FNBP1: variants seen among roughly 807,000 people sequenced by gnomAD.
FNBP1 encodes formin-binding protein 1.
A neutral mutation model predicts 90.6 loss-of-function variants in FNBP1; 26 were observed. That is an observed-to-expected ratio of 0.29 (90% CI 0.21 to 0.40). FNBP1 has a LOEUF of 0.40. Among genes scored for constraint, FNBP1 ranks in the 10% least tolerant of loss-of-function variants. The pLI is 1.00. For synonymous variants in FNBP1, 260 were observed against 265.2 expected (o/e 0.98, Z 0.19); for missense variants, 635 against 768.0 (o/e 0.83, Z 2.05).
intron 11 of FNBP1, among the ~76,000 whole-genome samples, chr9:129,909,259 G>A (rs2038768351): frequency 6.6e-6 from 1 of 152,206 alleles, no homozygotes; most frequent in Non-Finnish European, 1.5e-5. Context: ...TACAGTAAAG[G>A]AGAGTAAGAG....
chr9:129,956,124 C>G (rs1173608143), intron 6 of FNBP1, among the ~76,000 whole-genome samples: 4 of 152,114 alleles, frequency 2.6e-5, no homozygotes, highest in Non-Finnish European at 5.9e-5. Flanking sequence ...GCTTCAGTCT[C>G]CTAAGTAGCT....
At position 129,889,262 on chromosome 9, in the gene FNBP1, TC is replaced by T. The variant is rs2034920857; in HGVS notation, c.*1276del. ...TCAAAGGACCACGAGAGGCACGGGG[TC>T]TTTGGTGATGAAAGTGCTAACCTCG... On this transcript the variant is annotated 3_prime_UTR_variant, in exon 17 of 17. Transcript: ENST00000446176. 5.2e-6 allele frequency: 1 copy of T among 191,146 alleles called. No homozygotes were observed. The highest frequency in any genetic ancestry group is 8.2e-5 in the East Asian group (1 of 12,260). The allele number at this position is 191,146 out of a possible 1,614,324, so 11.8% of individuals were successfully genotyped here. A position where few individuals can be genotyped will look rare whatever the true frequency, so the allele number is the denominator to read the frequency against.
intron 10 of FNBP1, 63 bp from the exon 11 acceptor site, chr9:129,916,043 A>G: frequency 6.6e-6 from 8 of 1,214,644 alleles, no homozygotes; most frequent in Non-Finnish European, 9.7e-6. Context: ...AAAGAGAAAA[A>G]AAAACAACAA....
chr9:129,890,865 C>G lies in FNBP1; in HGVS notation c.1847-319G>C, dbSNP rs1474521544. ...TTTAGTTTTGAGAGAAAGTAAGAAA[C>G]GGAGGCCGGGGCTGGGCGCCGTGGC... On this transcript the variant is annotated intron_variant, in intron 16 of 16. Transcript: ENST00000446176. The surrounding 1 kb of genome is among the most constrained non-coding windows in gnomAD (Gnocchi z 5.8). Among the ~76,000 whole-genome samples the G allele has an allele frequency of 6.6e-6, 1 of 152,158 alleles. No individual in the cohort carries two copies. The highest frequency in any genetic ancestry group is 2.4e-5 in the African/African-American group (1 of 41,434).
At chr9:129,909,585 C>A (rs920255414) in intron 11 of FNBP1, among the ~76,000 whole-genome samples, 3 of 151,638 alleles carry the variant, frequency 2.0e-5, no homozygotes, top group African/African-American at 7.3e-5. Flanking sequence ...TTCTCCTTAC[C>A]CCATGCACAC....
intron 7 of FNBP1, 117 bp downstream of exon 7, chr9:129,929,450 G>A (rs1305730320): frequency 3.9e-6 from 3 of 772,022 alleles, no homozygotes; most frequent in Non-Finnish European, 6.0e-6. Context: ...TGGAAATTTG[G>A]AATTATATAA....
intron 3 of FNBP1, 24 bp from the exon 4 acceptor site, chr9:129,978,636 T>C: frequency 6.2e-7 from 1 of 1,607,034 alleles, no homozygotes; most frequent in Admixed American, 1.7e-5. Flanking sequence ...CACACGCCAC[T>C]CTGTTTCACA....
At chr9:129,891,336 C>T (rs1465056386) in intron 16 of FNBP1, among the ~76,000 whole-genome samples, 4 of 152,182 alleles carry the variant, frequency 2.6e-5, no homozygotes, top group African/African-American at 7.2e-5. Flanking sequence ...TGTTGGCATG[C>T]GCCTGTAGTC....
intron 1 of FNBP1, among the ~76,000 whole-genome samples, chr9:130,027,000 T>C (rs2058407617): frequency 6.6e-6 from 1 of 152,028 alleles, no homozygotes; most frequent in South Asian, 2.1e-4. Flanking sequence ...TCTTTTGTTT[T>C]ATATTCCTCA....
rs116529814 is a variant in FNBP1, at chr9:129,889,297, C to G, written c.*1242G>C. ...TGAAAGTGCTAACCTCGGCGGGGTG[C>G]GGTAGCTCACACCTGTAATCTCAGC... On this transcript the variant is annotated 3_prime_UTR_variant, in exon 17 of 17. Transcript: ENST00000446176. The G allele has an allele frequency of 1.6e-5, 3 of 185,544 alleles. No homozygotes were observed. Among genetic ancestry groups the G allele is most frequent in the African/African-American group, 7.0e-5 (3 of 42,590 alleles). 11.5% of individuals were successfully genotyped at this position (185,544 alleles called of 1,614,324 possible).
At chr9:130,037,587 C>T (rs188435442) in intron 1 of FNBP1, among the ~76,000 whole-genome samples, 41 of 152,190 alleles carry the variant, frequency 2.7e-4, no homozygotes, top group Non-Finnish European at 4.7e-4. Flanking sequence ...CATATCATGC[C>T]TAAGTAGAAT....
chr9:129,896,937 C>T (rs1020120409), intron 15 of FNBP1, among the ~76,000 whole-genome samples: 19 of 152,152 alleles, frequency 1.2e-4, no homozygotes, highest in South Asian at 4.1e-4. Flanking sequence ...GGCCCAACTG[C>T]TCCTCTTTAA....
At chr9:130,015,251 A>T (rs2057103844) in intron 1 of FNBP1, among the ~76,000 whole-genome samples, 1 of 152,192 alleles carries the variant, frequency 6.6e-6, no homozygotes, top group South Asian at 2.1e-4. Context: ...CAACTTCTCT[A>T]TTCTCATGGA....
At chr9:129,976,753 T>C (rs1166557171) in intron 4 of FNBP1, among the ~76,000 whole-genome samples, 1 of 152,212 alleles carries the variant, frequency 6.6e-6, no homozygotes, top group Non-Finnish European at 1.5e-5. Flanking sequence ...TACTCTTACT[T>C]TGTGGCAACT....
intron 9 of FNBP1, 30 bp downstream of exon 9, chr9:129,924,930 G>A: frequency 1.9e-6 from 3 of 1,573,418 alleles, no homozygotes; most frequent in Non-Finnish European, 2.6e-6. Context: ...CCACACCTTA[G>A]AAAACTCATT....
intron 4 of FNBP1, among the ~76,000 whole-genome samples, chr9:129,968,806 AACT>A (rs1421135303): frequency 6.6e-6 from 1 of 152,210 alleles, no homozygotes; most frequent in Non-Finnish European, 1.5e-5. Flanking sequence ...TTTCCTCTAG[AACT>A]CTTCAGATAA....
intron 6 of FNBP1, among the ~76,000 whole-genome samples, chr9:129,939,170 C>G (rs1398683726): frequency 6.6e-6 from 1 of 152,020 alleles, no homozygotes; most frequent in Non-Finnish European, 1.5e-5. Context: ...GGGTGGATCA[C>G]CTGAGGTCAG....
At chr9:129,983,994 T>C (rs2051726501) in intron 2 of FNBP1, among the ~76,000 whole-genome samples, 1 of 152,114 alleles carries the variant, frequency 6.6e-6, no homozygotes. Flanking sequence ...AAATAAACAT[T>C]CTTTTATAAG....
chr9:129,979,648 CT>C (rs971466637), intron 2 of FNBP1, among the ~76,000 whole-genome samples: 3 of 151,376 alleles, frequency 2.0e-5, no homozygotes, highest in East Asian at 1.9e-4. Context: ...CAGTGGCTTT[CT>C]TTTTTTTTGA....
Sources: allele counts gnomAD v4.1 joint callset (sites outside exome capture counted in the v4.1 genomes callset), GRCh38; gene constraint gnomAD v4.1.1; non-coding constraint Gnocchi (gnomAD v3.1); transcripts MANE v1.5; gene names NCBI Gene and HGNC (gene_info 2026-07-23, HGNC 2026-07-21).